Variants in THOC1 observed in about 807,000 individuals in gnomAD.
THOC1 encodes the protein THO complex subunit 1.
Under a neutral mutation model 97.3 loss-of-function variants are expected in THOC1, and 29 were observed. The observed-to-expected ratio is 0.30, with a 90% CI of 0.22 to 0.41. The LOEUF (loss-of-function observed/expected upper bound fraction) is 0.41. THOC1 is among the 10% of genes least tolerant of loss of function. THOC1 has a pLI of 1.00. For missense variants in THOC1, 529 were observed against 761.9 expected (o/e 0.69, Z 3.60); for synonymous variants, 255 against 257.0 (o/e 0.99, Z 0.07).
At chr18:236,171 G>A (rs977927580) in intron 11 of THOC1, among the ~76,000 whole-genome samples, 77 of 152,048 alleles carry the variant, frequency 5.1e-4, no homozygotes, top group Non-Finnish European at 1.0e-3. Context: ...TCAATCATGA[G>A]TTTTGTTTTA....
chr18:258,526 C>T (rs542048950), intron 7 of THOC1, among the ~76,000 whole-genome samples: 1 of 152,220 alleles, frequency 6.6e-6, no homozygotes, highest in East Asian at 1.9e-4. Context: ...TGCTATAGGT[C>T]TTTCTACATG....
intron 4 of THOC1, 94 bp downstream of exon 4, chr18:263,931 TC>T (rs1912683855): frequency 1.4e-5 from 13 of 950,032 alleles, no homozygotes; most frequent in Non-Finnish European, 2.0e-5. Context: ...ATAAACAAAA[TC>T]AGATAGGTGG....
In THOC1 at chr18:225,140, C is replaced by T; in HGVS notation, c.1087-1G>A. 6.4e-7 allele frequency: 1 copy of T among 1,570,688 alleles called. No individual in the cohort carries two copies. Among genetic ancestry groups the T allele is most frequent in the Non-Finnish European group, 8.6e-7 (1 of 1,157,196 alleles). On this transcript the variant is annotated splice_acceptor_variant, in intron 13 of 20. Coordinates refer to ENST00000261600, the MANE Select transcript of THOC1 (RefSeq NM_005131.3). LOFTEE classifies it high-confidence loss of function. ...CATCGGGGGGGTTTTCAGATAGTAG[C>T]TGTGATTAGAAAGAATATACTAAGC...
intron 20 of THOC1, 132 bp from the exon 21 acceptor site, chr18:215,053 A>G (rs1036879712): frequency 1.2e-6 from 1 of 810,920 alleles, no homozygotes; most frequent in South Asian, 1.8e-5. Flanking sequence ...TATTTTTTAT[A>G]TTCTCCGTAA....
chr18:216,487 G>A lies in THOC1; in HGVS notation c.1601C>T (p.Pro534Leu), dbSNP rs377720582. The change falls in exon 19 of 21, where the codon CCG becomes CTG. Residue 534 changes from proline to leucine, a missense_variant and splice_region_variant. Pro to Leu is a moderately conservative substitution (Grantham distance 98). Coordinates refer to ENST00000261600, the MANE Select transcript of THOC1 (RefSeq NM_005131.3). ...GAAAAGTTGATCTATGGTACTTACC[G>A]GTAATTCCTTGGCTAGCTTTATTAC... is the stretch of plus-strand genomic sequence containing the variant. ...NMVIKLAKELPPPSEEIKTGE... is the reference protein window; with the variant it reads ...NMVIKLAKELLPPSEEIKTGE... 9 of 1,613,420 alleles carry A rather than the reference G, an allele frequency of 5.6e-6. No individual in the cohort carries two copies. The Admixed American group carries it at 6.7e-5, about 12-fold the overall frequency.
intron 11 of THOC1, among the ~76,000 whole-genome samples, chr18:236,286 CCTT>C (rs1214589724): frequency 6.6e-6 from 1 of 150,932 alleles, no homozygotes; most frequent in Non-Finnish European, 1.5e-5. Context: ...CTGCTTTTTT[CCTT>C]CTTACTGAAA....
At position 224,102 on chromosome 18, in the gene THOC1, T is replaced by C. The variant is rs763303870; in HGVS notation, c.1286A>G (p.Lys429Arg). 2 of 1,608,788 alleles carry C rather than the reference T, an allele frequency of 1.2e-6. No individual in the cohort carries two copies. Among genetic ancestry groups the C allele is most frequent in the Non-Finnish European group, 1.7e-6 (2 of 1,177,132 alleles). ...PEDFLGKGPT[K>R]KILMGNEELT... The stretch of plus-strand genomic sequence containing the variant: ...CACCTACTTTCCCATCAGAATTTTT[T>C]TGGTGGGTCCTTTCCCTAGGAAGTC... The change falls in exon 16 of 21, where the codon AAA becomes AGA. Residue 429 changes from lysine to arginine, a missense_variant. This residue lies in a region of THOC1 where 123 missense variants were observed against 159.0 expected (regional missense o/e 0.77). Coordinates refer to ENST00000261600, the MANE Select transcript of THOC1 (RefSeq NM_005131.3).
intron 11 of THOC1, among the ~76,000 whole-genome samples, chr18:228,771 G>A (rs1911383593): frequency 6.6e-6 from 1 of 152,180 alleles, no homozygotes; most frequent in Admixed American, 6.5e-5. Context: ...AATCTCAGCT[G>A]AAAGTGAGGT....
At chr18:251,352 T>C (rs1395955234) in intron 9 of THOC1, among the ~76,000 whole-genome samples, 1 of 152,220 alleles carries the variant, frequency 6.6e-6, no homozygotes, top group Non-Finnish European at 1.5e-5. Flanking sequence ...GAATCCCATC[T>C]TGATTTTCTA....
chr18:226,793 T>C lies in THOC1; in HGVS notation c.1019+8A>G, dbSNP rs1487512989. On this transcript the variant is annotated splice_region_variant and intron_variant, in intron 12 of 20. Coordinates refer to ENST00000261600, the MANE Select transcript of THOC1 (RefSeq NM_005131.3). ...TTTACAAATTGTTTACTACCCATAT[T>C]ATCTTACCTTTTGAATTTGACCTGC... 1 of 1,600,562 alleles carries C rather than the reference T, an allele frequency of 6.2e-7. No individual in the cohort carries two copies. Among genetic ancestry groups the C allele is most frequent in the African/African-American group, 1.3e-5 (1 of 74,790 alleles).
At chr18:248,387 G>T (rs1267879500) in intron 9 of THOC1, among the ~76,000 whole-genome samples, 1 of 152,116 alleles carries the variant, frequency 6.6e-6, no homozygotes, top group Non-Finnish European at 1.5e-5. Context: ...ACAGGAAAAA[G>T]GGCAAACACC....
chr18:253,018 C>T (rs1642885941), intron 8 of THOC1, among the ~76,000 whole-genome samples: 2 of 152,092 alleles, frequency 1.3e-5, no homozygotes, highest in Non-Finnish European at 2.9e-5. Flanking sequence ...TTCCTCAACA[C>T]CAATAATGAT....
intron 20 of THOC1, 43 bp from the exon 21 acceptor site, chr18:214,964 T>C (rs1910818414): frequency 2.5e-6 from 4 of 1,581,394 alleles, no homozygotes; most frequent in Non-Finnish European, 3.4e-6. Flanking sequence ...ATTCTAAGTA[T>C]ACAACAGAAA....
intron 11 of THOC1, among the ~76,000 whole-genome samples, chr18:236,346 G>GCTTTTTTTT (rs1567848423): frequency 7.4e-6 from 1 of 135,266 alleles, no homozygotes; most frequent in African/African-American, 2.7e-5. Flanking sequence ...GAAAGAATAA[G>GCTTTTTTTT]ATTCTTTTTT....
At chr18:224,847 C>T (rs1463236051) in intron 15 of THOC1, 77 bp downstream of exon 15, 11 of 1,143,504 alleles carry the variant, frequency 9.6e-6, no homozygotes, top group African/African-American at 7.8e-5. Context: ...ATAATCATAT[C>T]GGAGCACATT....
chr18:255,587 A>C (rs990230683), intron 7 of THOC1, among the ~76,000 whole-genome samples: 2 of 152,238 alleles, frequency 1.3e-5, no homozygotes, highest in Non-Finnish European at 2.9e-5. Context: ...CCTCTCCGTA[A>C]CATAATAGTG....
intron 18 of THOC1, 93 bp downstream of exon 18, chr18:218,793 G>T (rs1223299742): frequency 3.0e-6 from 3 of 995,622 alleles, no homozygotes; most frequent in Non-Finnish European, 4.5e-6. Flanking sequence ...TCTATCTACT[G>T]CCTCTCTTAA....
At chr18:265,425 G>GC in intron 2 of THOC1, 32 bp downstream of exon 2, 1 of 1,585,342 alleles carries the variant, frequency 6.3e-7, no homozygotes, top group South Asian at 1.2e-5. Flanking sequence ...AAAGATTGAG[G>GC]CAAGTATTTT....
chr18:224,177 G>A lies in THOC1; in HGVS notation c.1211C>T (p.Thr404Ile), dbSNP rs745933882. The change falls in exon 16 of 21, where the codon ACA becomes ATA. Residue 404 changes from threonine to isoleucine, a missense_variant and splice_region_variant. Physicochemically the swap from Thr to Ile is moderately conservative, Grantham distance 89 (BLOSUM62 -1). This residue lies in a region of THOC1 where 123 missense variants were observed against 159.0 expected (regional missense o/e 0.77). Transcript: ENST00000261600. ...EGCPSFVKER[T>I]SDTKPTRIIR... ...TATTCTCGTAGGTTTGGTATCTGAT[G>A]TTCTGTCGTGAACAAAACATACACT... 6.9e-6 allele frequency: 11 copies of A among 1,600,236 alleles called. No individual in the cohort carries two copies. The highest frequency in any genetic ancestry group is 6.8e-5 in the Admixed American group (4 of 58,912).
Sources: allele counts gnomAD v4.1 joint callset (sites outside exome capture counted in the v4.1 genomes callset), GRCh38; gene constraint gnomAD v4.1.1; regional missense constraint gnomAD v4.1.1; transcripts MANE v1.5; gene names NCBI Gene and HGNC (gene_info 2026-07-23, HGNC 2026-07-21).